The following HIVEP3 variants were observed in gnomAD, a reference collection of about 807,000 sequenced individuals.
HIVEP3 encodes transcription factor HIVEP3.
In HIVEP3, 49 loss-of-function variants were observed where a neutral mutation model predicts 152.8. The ratio of observed to expected loss-of-function variants is 0.32; its 90% CI spans 0.26 to 0.41. The LOEUF (loss-of-function observed/expected upper bound fraction) is 0.41. Ranked by LOEUF, HIVEP3 falls within the 10% of genes least tolerant of loss-of-function variation. The pLI is 1.00. For synonymous variants in HIVEP3, 1,269 were observed against 1,289.0 expected (o/e 0.98, Z 0.33); for missense variants, 2,790 against 3,103.3 (o/e 0.90, Z 2.40).
chr1:41,653,530 G>A (rs1004736506), intron 2 of HIVEP3, among the ~76,000 whole-genome samples: 2 of 152,058 alleles, frequency 1.3e-5, no homozygotes, highest in African/African-American at 4.8e-5. Context: ...GGGAAAAGCT[G>A]GACTTCTTTA....
At chr1:41,546,561 T>C (rs930937044) in intron 5 of HIVEP3, among the ~76,000 whole-genome samples, 4 of 152,182 alleles carry the variant, frequency 2.6e-5, no homozygotes, top group Admixed American at 6.5e-5. Context: ...TGAGGCCTTG[T>C]AGAGTCAGCA....
chr1:41,560,208 T>C (rs1644037128), intron 5 of HIVEP3, among the ~76,000 whole-genome samples: 1 of 152,166 alleles, frequency 6.6e-6, no homozygotes, highest in South Asian at 2.1e-4. Context: ...TGCAACAACT[T>C]TGAGACACAG....
chr1:42,020,357 G>T (rs61630597), intron 1 of HIVEP3, among the ~76,000 whole-genome samples: 2 of 151,994 alleles, frequency 1.3e-5, no homozygotes, highest in African/African-American at 2.4e-5. Context: ...TGTTTGATGC[G>T]AAGGTCTTTA....
chr1:41,552,873 T>C (rs548910181), intron 5 of HIVEP3, among the ~76,000 whole-genome samples: 1 of 152,360 alleles, frequency 6.6e-6, no homozygotes, highest in African/African-American at 2.4e-5. Context: ...CAGTTTGTTG[T>C]GATTTCTGTT....
intron 2 of HIVEP3, among the ~76,000 whole-genome samples, chr1:41,648,122 A>G (rs947376512): frequency 2.0e-5 from 3 of 152,134 alleles, no homozygotes; most frequent in Admixed American, 2.0e-4. Context: ...GGGCTGAAAC[A>G]TTTGCTGAAA....
intron 5 of HIVEP3, among the ~76,000 whole-genome samples, chr1:41,525,289 T>A (rs1025652005): frequency 2.5e-5 from 3 of 117,786 alleles, no homozygotes; most frequent in Non-Finnish European, 5.7e-5. Flanking sequence ...GAGGGAATGA[T>A]GATAATAAAA....
chr1:41,871,474 T>C (rs1442205394), intron 1 of HIVEP3, among the ~76,000 whole-genome samples: 2 of 151,746 alleles, frequency 1.3e-5, no homozygotes, highest in African/African-American at 2.4e-5. Flanking sequence ...CCCAGAAGAA[T>C]AAAATGCAGA....
intron 1 of HIVEP3, among the ~76,000 whole-genome samples, chr1:41,791,928 C>T (rs188839936): frequency 2.1e-4 from 32 of 152,180 alleles, no homozygotes; most frequent in Admixed American, 2.6e-4. Flanking sequence ...CCTCCATATC[C>T]CTCCTCAGAC....
chr1:41,679,937 C>A (rs1646012965), intron 2 of HIVEP3, among the ~76,000 whole-genome samples: 1 of 152,226 alleles, frequency 6.6e-6, no homozygotes, highest in Non-Finnish European at 1.5e-5. Flanking sequence ...ATGAGAACTT[C>A]AGGTCCACTT....
At chr1:41,531,655 TGGAGGACAGGGGAGAC>T in intron 5 of HIVEP3, among the ~76,000 whole-genome samples, 1 of 75,804 alleles carries the variant, frequency 1.3e-5, no homozygotes, top group Non-Finnish European at 2.5e-5. Context: ...ACAGGAGAGA[TGGAGGACAGGGGAGAC>T]GGAGGACATG....
At chr1:41,548,785 C>T (rs1487264992) in intron 5 of HIVEP3, among the ~76,000 whole-genome samples, 2 of 152,316 alleles carry the variant, frequency 1.3e-5, no homozygotes, top group South Asian at 4.1e-4. Context: ...ATCCACCCCA[C>T]CTCAGCCTCC....
At chr1:41,960,548 G>A (rs972331104) in intron 1 of HIVEP3, among the ~76,000 whole-genome samples, 13 of 152,144 alleles carry the variant, frequency 8.5e-5, no homozygotes, top group African/African-American at 2.4e-4. Flanking sequence ...ACACTCTAGA[G>A]CTCCTCGAAG....
chr1:41,713,369 CAG>C (rs1479169478), intron 1 of HIVEP3, among the ~76,000 whole-genome samples: 1 of 152,298 alleles, frequency 6.6e-6, no homozygotes, highest in East Asian at 1.9e-4. Flanking sequence ...GGGCTCAGCT[CAG>C]AGAGTCACAT....
chr1:41,806,077 C>T (rs553864305), intron 1 of HIVEP3, among the ~76,000 whole-genome samples: 80 of 152,336 alleles, frequency 5.3e-4, no homozygotes, highest in African/African-American at 1.9e-3. Flanking sequence ...TGTCAGTTCT[C>T]TTTGTCCTCC....
chr1:41,774,147 A>G lies in HIVEP3; in HGVS notation c.-800-73152T>C, dbSNP rs530809517. 8.5e-5 allele frequency among the ~76,000 whole-genome samples: 13 copies of G among 152,346 alleles called. 1 individual carries two copies. The South Asian group carries it at 2.7e-3, about 32-fold the overall frequency. On this transcript the variant is annotated intron_variant, in intron 1 of 8. Transcript: ENST00000372583. ...TTCTAGTGATTGTGAGGTTCAGGAC[A>G]GTCACTCCTGCACCTGCCTCTGCAA...
At chr1:41,827,966 A>T (rs1253953568) in intron 1 of HIVEP3, among the ~76,000 whole-genome samples, 1 of 152,178 alleles carries the variant, frequency 6.6e-6, no homozygotes, top group Non-Finnish European at 1.5e-5. Flanking sequence ...CAGAGAAGTC[A>T]GAGTCCTTGT....
At chr1:41,740,506 C>A (rs1007920773) in intron 1 of HIVEP3, among the ~76,000 whole-genome samples, 1 of 152,230 alleles carries the variant, frequency 6.6e-6, no homozygotes, top group African/African-American at 2.4e-5. Flanking sequence ...TCAGGGCAAG[C>A]CCATGACAGC....
intron 2 of HIVEP3, among the ~76,000 whole-genome samples, chr1:41,639,125 T>C: frequency 6.6e-6 from 1 of 152,214 alleles, no homozygotes; most frequent in East Asian, 1.9e-4. Flanking sequence ...CAGGGAATTG[T>C]GGGATGAATC....
At chr1:41,569,211 T>C (rs181215643) in intron 5 of HIVEP3, among the ~76,000 whole-genome samples, 12 of 152,324 alleles carry the variant, frequency 7.9e-5, no homozygotes, top group Non-Finnish European at 1.8e-4. Flanking sequence ...TATTTCTTTA[T>C]AGCAATGCAA....
Sources: allele counts gnomAD v4.1 joint callset (sites outside exome capture counted in the v4.1 genomes callset), GRCh38; gene constraint gnomAD v4.1.1; transcripts MANE v1.5; gene names NCBI Gene and HGNC (gene_info 2026-07-23, HGNC 2026-07-21).